ERBB4: variants seen among roughly 807,000 people sequenced by gnomAD.
The protein encoded by ERBB4 is erb-b2 receptor tyrosine kinase 4.
A neutral mutation model predicts 158.0 loss-of-function variants in ERBB4; 42 were observed. The ratio of observed to expected loss-of-function variants is 0.27; its 90% CI spans 0.21 to 0.34. The LOEUF is 0.34. Ranked by LOEUF, ERBB4 falls within the 10% of genes least tolerant of loss-of-function variation. The pLI is 1.00. For synonymous variants in ERBB4, 583 were observed against 558.7 expected (o/e 1.04, Z -0.61); for missense variants, 1,333 against 1,624.1 (o/e 0.82, Z 3.08).
chr2:212,253,572 C>A (rs1333184434), intron 1 of ERBB4, among the ~76,000 whole-genome samples: 23 of 152,090 alleles, frequency 1.5e-4, no homozygotes, highest in Non-Finnish European at 1.5e-5. Flanking sequence ...GGGGCCCATA[C>A]TTTTGCATTT....
intron 16 of ERBB4, among the ~76,000 whole-genome samples, chr2:211,643,274 C>T (rs2070667533): frequency 6.6e-6 from 1 of 152,100 alleles, no homozygotes; most frequent in African/African-American, 2.4e-5. Flanking sequence ...GAAGCCTATC[C>T]CTCTACTTCT....
chr2:211,663,434 G>T (rs1025095834), intron 15 of ERBB4, among the ~76,000 whole-genome samples: 4 of 152,098 alleles, frequency 2.6e-5, no homozygotes, highest in African/African-American at 9.7e-5. Flanking sequence ...ATTGCTAAAG[G>T]TGTCTTTTTT....
At chr2:211,396,038 A>C (rs2062909033) in intron 25 of ERBB4, among the ~76,000 whole-genome samples, 1 of 151,982 alleles carries the variant, frequency 6.6e-6, no homozygotes, top group African/African-American at 2.4e-5. Flanking sequence ...GACTATAAAC[A>C]CTTTGAATTT....
chr2:211,874,558 C>T (rs1406014535), intron 3 of ERBB4, among the ~76,000 whole-genome samples: 1 of 152,250 alleles, frequency 6.6e-6, no homozygotes, highest in East Asian at 1.9e-4. Context: ...GACCATGAAT[C>T]TTCTCTGTAT....
chr2:211,735,694 AATC>A (rs1172355353), intron 5 of ERBB4, among the ~76,000 whole-genome samples: 1 of 152,154 alleles, frequency 6.6e-6, no homozygotes, highest in African/African-American at 2.4e-5. Flanking sequence ...ATACTCTTTA[AATC>A]TCAGACCCAG....
chr2:211,658,001 A>G (rs1478599552), intron 15 of ERBB4, 173 bp from the exon 16 acceptor site: 1 of 1,594,104 alleles, frequency 6.3e-7, no homozygotes, highest in Admixed American at 1.7e-5. Context: ...GCACCTGCAG[A>G]AAATGCAAAT....
chr2:212,430,103 A>G (rs2091994335), intron 1 of ERBB4, among the ~76,000 whole-genome samples: 1 of 152,222 alleles, frequency 6.6e-6, no homozygotes, highest in Non-Finnish European at 1.5e-5. Context: ...AAGAAAATAA[A>G]TAATGCTTAT....
intron 1 of ERBB4, among the ~76,000 whole-genome samples, chr2:212,422,038 T>C (rs2091804090): frequency 6.6e-6 from 1 of 152,184 alleles, no homozygotes; most frequent in East Asian, 1.9e-4. Context: ...AAGGGAAACA[T>C]GCAGTTTTAA....
intron 1 of ERBB4, among the ~76,000 whole-genome samples, chr2:212,513,704 C>T (rs1021937801): frequency 2.6e-5 from 4 of 151,910 alleles, no homozygotes; most frequent in Admixed American, 1.3e-4. Context: ...CCAGCTACTC[C>T]GGGAGGCTGA....
At chr2:212,332,053 G>A (rs1375870090) in intron 1 of ERBB4, among the ~76,000 whole-genome samples, 1 of 151,936 alleles carries the variant, frequency 6.6e-6, no homozygotes, top group Admixed American at 6.6e-5. Flanking sequence ...TGTCTCCTCA[G>A]TAGTGATACG....
At chr2:211,743,398 G>A (rs1191871092) in intron 5 of ERBB4, among the ~76,000 whole-genome samples, 4 of 152,116 alleles carry the variant, frequency 2.6e-5, no homozygotes, top group South Asian at 2.1e-4. Context: ...AAAGGAATGC[G>A]TAAAATGAAA....
At chr2:211,536,518 A>G (rs886116209) in intron 20 of ERBB4, among the ~76,000 whole-genome samples, 1 of 152,056 alleles carries the variant, frequency 6.6e-6, no homozygotes. Context: ...CAGGCCCTGG[A>G]GTCCAGAGAT....
chr2:212,368,986 T>C (rs2089991710), intron 1 of ERBB4, among the ~76,000 whole-genome samples: 1 of 152,124 alleles, frequency 6.6e-6, no homozygotes, highest in Admixed American at 6.6e-5. Context: ...ACCTTCTGAA[T>C]TAGAATCTAC....
At position 212,285,607 on chromosome 2, in the gene ERBB4, A is replaced by G. The variant is rs16848161; in HGVS notation, c.83-160704T>C. 4.1e-4 allele frequency among the ~76,000 whole-genome samples: 62 copies of G among 152,294 alleles called. No individual in the cohort carries two copies. In the East Asian group the frequency reaches 0.012, roughly 29 times the overall value. ...AATGCTAGTTACGAAGTCAACCTGG[A>G]TTAAAAATCTAAAAAATGATTATGA... On this transcript the variant is annotated intron_variant, in intron 1 of 27. Coordinates refer to ENST00000342788, the MANE Select transcript of ERBB4 (RefSeq NM_005235.3).
chr2:211,479,633 C>T (rs972004269), intron 20 of ERBB4, among the ~76,000 whole-genome samples: 11 of 152,116 alleles, frequency 7.2e-5, no homozygotes, highest in South Asian at 2.1e-4. Context: ...AAATATCTAT[C>T]GGCACAGGAA....
At chr2:211,614,480 G>A (rs868540751) in intron 19 of ERBB4, among the ~76,000 whole-genome samples, 2 of 151,870 alleles carry the variant, frequency 1.3e-5, no homozygotes, top group African/African-American at 4.8e-5. Flanking sequence ...CATTCTCCAC[G>A]ATGTGCTTAT....
At chr2:212,316,181 A>G (rs907682591) in intron 1 of ERBB4, among the ~76,000 whole-genome samples, 2 of 151,418 alleles carry the variant, frequency 1.3e-5, no homozygotes, top group Non-Finnish European at 3.0e-5. Context: ...TTCTCCTAAT[A>G]CTATCCTCAA....
chr2:212,349,686 T>C (rs2089169975), intron 1 of ERBB4, among the ~76,000 whole-genome samples: 2 of 152,062 alleles, frequency 1.3e-5, no homozygotes. Context: ...CAGATATTCT[T>C]GCACATTCAA....
At chr2:211,555,363 T>C (rs533038165) in intron 20 of ERBB4, among the ~76,000 whole-genome samples, 164 of 152,306 alleles carry the variant, frequency 1.1e-3, no homozygotes, top group African/African-American at 3.8e-3. Flanking sequence ...TTTTGTATTT[T>C]TAGTAGAGGC....
Sources: gnomAD v4.1 joint callset for allele counts (sites outside exome capture counted in the v4.1 genomes callset) on GRCh38, gnomAD v4.1.1 for gene constraint, MANE v1.5 for transcripts, NCBI Gene and HGNC (gene_info 2026-07-23, HGNC 2026-07-21) for gene names.